The following PTPRO variants were observed in gnomAD, a reference collection of about 807,000 sequenced individuals.
PTPRO encodes the protein protein tyrosine phosphatase receptor type O, also known as receptor-type tyrosine-protein phosphatase O.
Under a neutral mutation model 145.2 loss-of-function variants are expected in PTPRO, and 62 were observed. The ratio of observed to expected loss-of-function variants is 0.43; its 90% CI spans 0.35 to 0.53. The LOEUF is 0.53. Ranked by LOEUF, PTPRO falls within the 20% of genes least tolerant of loss-of-function variation. The pLI is 0.01. For synonymous variants in PTPRO, 565 were observed against 514.7 expected, an observed-to-expected ratio of 1.10 and a Z score of -1.32; for missense variants, 1,345 against 1,482.7, an observed-to-expected ratio of 0.91 and a Z score of 1.53.
At chr12:15,526,334 C>T in intron 12 of PTPRO, 72 bp downstream of exon 12, 1 of 1,581,334 alleles carries the variant, frequency 6.3e-7, no homozygotes, top group Non-Finnish European at 8.7e-7. Flanking sequence ...GCAAGAGCTC[C>T]TCAATTCAAT....
intron 1 of PTPRO, among the ~76,000 whole-genome samples, chr12:15,428,803 C>A (rs1345198750): frequency 6.6e-6 from 1 of 152,134 alleles, no homozygotes; most frequent in Non-Finnish European, 1.5e-5. Context: ...TGTTCAGGGT[C>A]ATCCCGTGGT....
chr12:15,400,398 A>G lies in PTPRO; in HGVS notation c.75+77597A>G, dbSNP rs376108104. Reference sequence around the variant, plus strand: ...TGCTGCACCTTGTACCGCTGTGCCTATTGTTCCCTGCCTTTAGTCAATCTC... The same window carrying G: ...TGCTGCACCTTGTACCGCTGTGCCTGTTGTTCCCTGCCTTTAGTCAATCTC... On this transcript the variant is annotated intron_variant, in intron 1 of 26. Transcript: ENST00000281171. Among the ~76,000 whole-genome samples, 25 of 152,212 alleles carry G rather than the reference A, an allele frequency of 1.6e-4. No homozygotes were observed. The East Asian group carries it at 3.3e-3, about 20-fold the overall frequency.
chr12:15,549,350 C>G, intron 14 of PTPRO, 124 bp downstream of exon 14: 1 of 760,664 alleles, frequency 1.3e-6, no homozygotes, highest in African/African-American at 1.8e-5. Context: ...TAATTTCAAT[C>G]CCAAAGTGCA....
chr12:15,423,442 CATAGAAGTGTAA>C (rs1940200790), intron 1 of PTPRO, among the ~76,000 whole-genome samples: 1 of 151,356 alleles, frequency 6.6e-6, no homozygotes, highest in African/African-American at 2.4e-5. Flanking sequence ...GTTTATTTCT[CATAGAAGTGTAA>C]ATTGAGGTGG....
intron 1 of PTPRO, among the ~76,000 whole-genome samples, chr12:15,401,762 A>C (rs1939500446): frequency 6.6e-6 from 1 of 152,232 alleles, no homozygotes; most frequent in South Asian, 2.1e-4. Flanking sequence ...GTTGATTAAA[A>C]AGTAAGATTG....
intron 19 of PTPRO, 49 bp from the exon 20 acceptor site, chr12:15,578,803 CA>C: frequency 7.2e-7 from 1 of 1,383,604 alleles, no homozygotes; most frequent in Non-Finnish European, 1.0e-6. Flanking sequence ...AACAATAATC[CA>C]ATTCACACCA....
chr12:15,527,364 A>T (rs1375438307), intron 12 of PTPRO, among the ~76,000 whole-genome samples: 2 of 152,156 alleles, frequency 1.3e-5, no homozygotes, highest in African/African-American at 4.8e-5. Flanking sequence ...TAGTTTCCCC[A>T]CTATCTTGGG....
At chr12:15,448,179 T>C (rs1338883494) in intron 1 of PTPRO, among the ~76,000 whole-genome samples, 3 of 151,822 alleles carry the variant, frequency 2.0e-5, no homozygotes, top group Non-Finnish European at 4.4e-5. Context: ...CATACATATG[T>C]AATTCTCCTA....
intron 7 of PTPRO, among the ~76,000 whole-genome samples, chr12:15,513,076 G>A (rs1303713308): frequency 3.7e-5 from 1 of 27,088 alleles, no homozygotes; most frequent in East Asian, 3.3e-4. Flanking sequence ...AAGAAGGAAA[G>A]AAAGAAAGAA....
At position 15,484,124 on chromosome 12, in the gene PTPRO, A is replaced by T. The variant is rs1185342060; in HGVS notation, c.226A>T (p.Ser76Cys). The T allele has an allele frequency of 6.2e-7, 1 of 1,613,758 alleles. No individual in the cohort carries two copies. Among genetic ancestry groups the T allele is most frequent in the Non-Finnish European group, 8.5e-7 (1 of 1,179,830 alleles). Residue 76 changes from serine (S) to cysteine (C), a missense_variant, in exon 2 of 27, where the codon AGC (serine) becomes TGC (cysteine). Physicochemically the swap from Ser to Cys is moderately radical, Grantham distance 112 (BLOSUM62 -1). Transcript: ENST00000281171. ...NYFFEFEEFN[S>C]TLPPPVIFKA... is the part of the protein sequence containing the mutation. The stretch of plus-strand genomic sequence containing the variant: ...TTTCTTCGAATTTGAGGAATTCAAC[A>T]GCACTTTGCCTCCTCCTGTTATTTT...
intron 17 of PTPRO, among the ~76,000 whole-genome samples, chr12:15,562,296 G>A (rs1404193644): frequency 6.6e-6 from 1 of 152,052 alleles, no homozygotes; most frequent in East Asian, 1.9e-4. Flanking sequence ...ATAACTTGTG[G>A]TTATTTTCCC....
intron 1 of PTPRO, among the ~76,000 whole-genome samples, chr12:15,381,562 C>G (rs1209868965): frequency 6.6e-6 from 1 of 152,080 alleles, no homozygotes; most frequent in African/African-American, 2.4e-5. Context: ...TCAACTGTTG[C>G]TTTAAAAAAA....
chr12:15,555,088 A>G (rs1591727272), intron 15 of PTPRO, among the ~76,000 whole-genome samples: 1 of 142,054 alleles, frequency 7.0e-6, no homozygotes, highest in Admixed American at 7.2e-5. Context: ...ATACAAAAAA[A>G]TTAGCCAGGC....
intron 1 of PTPRO, among the ~76,000 whole-genome samples, chr12:15,468,945 T>G (rs1309991629): frequency 1.3e-5 from 2 of 152,196 alleles, no homozygotes; most frequent in Non-Finnish European, 2.9e-5. Context: ...TTCTGACAAT[T>G]TTGTTGTTGC....
At position 15,589,703 on chromosome 12, in the gene PTPRO, C is replaced by A. The variant is rs548229939; in HGVS notation, c.3546+113C>A. The stretch of plus-strand genomic sequence containing the variant: ...TCAAACTTCTTTGTATCTTTCTTTC[C>A]CATTTTCTTATTGTATATGTTCAAA... On this transcript the variant is annotated intron_variant, in intron 25 of 26. Transcript: ENST00000281171. 32 of 1,348,320 alleles carry A rather than the reference C, an allele frequency of 2.4e-5. No homozygotes were observed. In the African/African-American group the frequency reaches 4.6e-4, roughly 19 times the overall value. The allele number at this position is 1,348,320 out of a possible 1,614,324, so 83.5% of individuals were successfully genotyped here. A position where few individuals can be genotyped will look rare whatever the true frequency, so the allele number is the denominator to read the frequency against.
At chr12:15,453,222 C>G (rs1941091483) in intron 1 of PTPRO, among the ~76,000 whole-genome samples, 2 of 151,980 alleles carry the variant, frequency 1.3e-5, no homozygotes, top group Non-Finnish European at 2.9e-5. Flanking sequence ...AACTCCTGAC[C>G]TCAGGTGATC....
intron 5 of PTPRO, among the ~76,000 whole-genome samples, chr12:15,502,914 TGA>T (rs1942250305): frequency 1.3e-5 from 2 of 152,130 alleles, no homozygotes; most frequent in African/African-American, 2.4e-5. Context: ...ATTTTTAGGG[TGA>T]GAGTTTAAGG....
At chr12:15,526,113 T>C in intron 11 of PTPRO, 29 bp from the exon 12 acceptor site, 1 of 1,613,722 alleles carries the variant, frequency 6.2e-7, no homozygotes, top group South Asian at 1.1e-5. Flanking sequence ...CACTAAAAGT[T>C]TAAACCCTTG....
chr12:15,497,878 G>A lies in PTPRO; in HGVS notation c.508+475G>A, dbSNP rs550452816. Among the ~76,000 whole-genome samples, 76 of 152,264 alleles carry A rather than the reference G, an allele frequency of 5.0e-4. 1 individual carries two copies. In the South Asian group the frequency reaches 8.9e-3, roughly 18 times the overall value. Reference sequence around the variant, plus strand: ...ACATTAACATACAAAAATTAGTTTCGCTTTTTCACTGGCTTGATGGGAACC... The same window carrying A: ...ACATTAACATACAAAAATTAGTTTCACTTTTTCACTGGCTTGATGGGAACC... On this transcript the variant is annotated intron_variant, in intron 3 of 26. Transcript: ENST00000281171.
Sources: gnomAD v4.1 joint callset for allele counts (sites outside exome capture counted in the v4.1 genomes callset) on GRCh38, gnomAD v4.1.1 for gene constraint, MANE v1.5 for transcripts, NCBI Gene and HGNC (gene_info 2026-07-23, HGNC 2026-07-21) for gene names.